Variants in CALD1 observed in about 807,000 individuals in gnomAD.
CALD1 encodes caldesmon 1, also known as caldesmon.
CALD1 carries 33 observed loss-of-function variants against 99.9 expected under a neutral mutation model. The observed-to-expected ratio is 0.33, with a 90% confidence interval of 0.25 to 0.44. CALD1 has a LOEUF of 0.44. Ranked by LOEUF, CALD1 falls within the 20% of genes least tolerant of loss-of-function variation. The probability of loss-of-function intolerance (pLI) is 1.00; values close to 1 mark genes in which losing one functional copy is unlikely to be tolerated. For synonymous variants in CALD1, 310 were observed against 325.0 expected, an observed-to-expected ratio of 0.95 and a Z score of 0.50; for missense variants, 861 against 962.1, an observed-to-expected ratio of 0.89 and a Z score of 1.39.
intron 3 of CALD1, among the ~76,000 whole-genome samples, chr7:134,913,278 A>G (rs1347548639): frequency 6.6e-6 from 1 of 152,204 alleles, no homozygotes. Flanking sequence ...AAAAAGAAAA[A>G]AAAAATTAGG....
chr7:134,889,211 G>A (rs1802025372), intron 3 of CALD1, among the ~76,000 whole-genome samples: 1 of 152,210 alleles, frequency 6.6e-6, no homozygotes. Flanking sequence ...TAACATCAAG[G>A]TGTCAGCAGG....
At chr7:134,890,349 T>C (rs779235466) in intron 3 of CALD1, among the ~76,000 whole-genome samples, 1 of 152,194 alleles carries the variant, frequency 6.6e-6, no homozygotes, top group Non-Finnish European at 1.5e-5. Context: ...CTCCATGACA[T>C]TGGGTGAGTT....
intron 1 of CALD1, among the ~76,000 whole-genome samples, chr7:134,759,557 G>A (rs1796758937): frequency 6.6e-6 from 1 of 152,310 alleles, no homozygotes; most frequent in African/African-American, 2.4e-5. Context: ...GTTTAATCTG[G>A]CTAGAGTGGA....
intron 9 of CALD1, among the ~76,000 whole-genome samples, chr7:134,957,345 G>C (rs1186031447): frequency 1.3e-5 from 2 of 152,094 alleles, no homozygotes; most frequent in African/African-American, 4.8e-5. Context: ...GAATAGCATG[G>C]TATGTCTCTA....
chr7:134,764,931 T>C (rs1011493233), intron 1 of CALD1, among the ~76,000 whole-genome samples: 2 of 152,184 alleles, frequency 1.3e-5, no homozygotes, highest in Non-Finnish European at 2.9e-5. Flanking sequence ...GATTATTGAT[T>C]CCCCTAAAAT....
intron 14 of CALD1, 35 bp downstream of exon 14, chr7:134,965,421 T>G (rs778406060): frequency 2.0e-6 from 2 of 1,002,528 alleles, no homozygotes; most frequent in Non-Finnish European, 1.6e-6. Context: ...TTCAGAGGTT[T>G]GTTTTCCTGA....
chr7:134,768,845 CCT>C (rs1427706336), intron 1 of CALD1, among the ~76,000 whole-genome samples: 2 of 152,018 alleles, frequency 1.3e-5, no homozygotes, highest in East Asian at 3.9e-4. Context: ...GTACCATTCC[CCT>C]CTCTCCCTCA....
rs1370680921 is a variant in CALD1, at chr7:134,934,039, C to A, written c.1270C>A (p.Gln424Lys). Residue 424 changes from glutamine (Q) to lysine (K), a missense_variant, in exon 5 of 15, where the codon CAA (glutamine) becomes AAA (lysine). Physicochemically the swap from Gln to Lys is moderately conservative, Grantham distance 53. Coordinates refer to ENST00000361675, the MANE Select transcript of CALD1 (RefSeq NM_033138.4). The part of the protein sequence containing the change: ...EGKWVNEKKA[Q>K]EDKLQTAVLK... ...GAAATGGGTAAATGAAAAGAAAGCACAAGAAGATAAACTTCAGACAGCTGT... is the reference window on the plus strand; with the variant it reads ...GAAATGGGTAAATGAAAAGAAAGCAAAAGAAGATAAACTTCAGACAGCTGT... 1.2e-6 allele frequency: 2 copies of A among 1,612,340 alleles called. No individual in the cohort carries two copies. The highest frequency in any genetic ancestry group is 2.7e-5 in the African/African-American group (2 of 74,566).
At chr7:134,966,335 T>A (rs1401112349) in intron 14 of CALD1, among the ~76,000 whole-genome samples, 1 of 152,224 alleles carries the variant, frequency 6.6e-6, no homozygotes, top group Non-Finnish European at 1.5e-5. Context: ...CCTTCACTAT[T>A]AGCTACGTAT....
At chr7:134,881,034 C>CTGAA (rs1435204879) in intron 3 of CALD1, among the ~76,000 whole-genome samples, 2 of 152,146 alleles carry the variant, frequency 1.3e-5, no homozygotes, top group African/African-American at 4.8e-5. Context: ...TATGGTAGAG[C>CTGAA]TGAAATCAGA....
intron 1 of CALD1, among the ~76,000 whole-genome samples, chr7:134,843,173 G>A (rs1799718213): frequency 1.3e-5 from 2 of 152,250 alleles, no homozygotes; most frequent in South Asian, 2.1e-4. Context: ...GAGACCTTTG[G>A]CAACTGCTTC....
At chr7:134,794,231 G>A (rs750475681) in intron 1 of CALD1, among the ~76,000 whole-genome samples, 3 of 152,128 alleles carry the variant, frequency 2.0e-5, no homozygotes, top group Non-Finnish European at 4.4e-5. Context: ...CCTACACCAC[G>A]CAAGCAGCCA....
intron 3 of CALD1, among the ~76,000 whole-genome samples, chr7:134,914,189 G>A (rs574559401): frequency 4.6e-5 from 7 of 152,286 alleles, no homozygotes; most frequent in East Asian, 1.9e-4. Context: ...AATTTAATAC[G>A]AGGTGGGCAA....
chr7:134,936,721 A>C (rs1806009649), intron 6 of CALD1, among the ~76,000 whole-genome samples: 1 of 152,202 alleles, frequency 6.6e-6, no homozygotes, highest in South Asian at 2.1e-4. Flanking sequence ...ACGTTTTGTC[A>C]ATTTCACGTG....
At chr7:134,878,308 C>T (rs963609960) in intron 3 of CALD1, among the ~76,000 whole-genome samples, 52 of 152,228 alleles carry the variant, frequency 3.4e-4, no homozygotes, top group African/African-American at 1.1e-3. Context: ...GTGGCTCCTG[C>T]GTGTAATGTC....
intron 1 of CALD1, among the ~76,000 whole-genome samples, chr7:134,825,796 C>G (rs1798964825): frequency 6.6e-6 from 1 of 152,068 alleles, no homozygotes; most frequent in African/African-American, 2.4e-5. Flanking sequence ...TTTTTAGACC[C>G]AGGGGTCAGA....
At chr7:134,833,107 C>G (rs1452157303) in intron 1 of CALD1, among the ~76,000 whole-genome samples, 2 of 152,148 alleles carry the variant, frequency 1.3e-5, no homozygotes, top group Admixed American at 1.3e-4. Context: ...CCAAGAATTC[C>G]CCAACAGTTA....
chr7:134,944,461 A>C (rs540990384), intron 7 of CALD1: 1 of 151,652 alleles, frequency 6.6e-6, no homozygotes, highest in African/African-American at 2.4e-5. Flanking sequence ...TGCAGCTTGA[A>C]AATTATTGTT....
intron 2 of CALD1, among the ~76,000 whole-genome samples, chr7:134,863,893 C>A (rs1800675440): frequency 6.6e-6 from 1 of 151,706 alleles, no homozygotes; most frequent in Non-Finnish European, 1.5e-5. Context: ...GAAGAAATAC[C>A]ACTCAATATT....
Sources: gnomAD v4.1 joint callset for allele counts (sites outside exome capture counted in the v4.1 genomes callset) on GRCh38, gnomAD v4.1.1 for gene constraint, MANE v1.5 for transcripts, NCBI Gene and HGNC (gene_info 2026-07-23, HGNC 2026-07-21) for gene names.